Variants in DENND1B observed in about 807,000 individuals in gnomAD.
DENND1B encodes DENN domain-containing protein 1B.
A neutral mutation model predicts 90.1 loss-of-function variants in DENND1B; 59 were observed. That is an observed-to-expected ratio of 0.65 (90% CI 0.53 to 0.81). DENND1B has a LOEUF of 0.81. DENND1B is among the 40% of genes least tolerant of loss of function. DENND1B has a pLI of 0.00. For missense variants in DENND1B, 862 were observed against 912.6 expected (o/e 0.94, Z 0.71); for synonymous variants, 337 against 324.6 (o/e 1.04, Z -0.41).
intron 18 of DENND1B, among the ~76,000 whole-genome samples, chr1:197,544,029 A>T (rs189680583): frequency 5.3e-5 from 8 of 152,312 alleles, no homozygotes; most frequent in African/African-American, 1.4e-4. Flanking sequence ...ATTGAATTTT[A>T]AAAAATTTAT....
intron 2 of DENND1B, chr1:197,735,217 C>A: frequency 9.5e-7 from 1 of 1,050,740 alleles, no homozygotes; most frequent in Non-Finnish European, 1.2e-6. Flanking sequence ...GTATCTTTTA[C>A]ATCAATGAAT....
In DENND1B at chr1:197,515,942, C is replaced by T. The variant is rs558522218; in HGVS notation, c.1516-2989G>A. On this transcript the variant is annotated intron_variant, in intron 20 of 22. Transcript: ENST00000620048. The stretch of plus-strand genomic sequence containing the variant: ...AGTTACCTTTATATTCTGTAGCTGT[C>T]TGCATATACTATAGCATCTCTATTT... 1.9e-4 allele frequency among the ~76,000 whole-genome samples: 29 copies of T among 151,978 alleles called. 1 individual carries two copies. The highest frequency in any genetic ancestry group is 6.7e-4 in the African/African-American group (28 of 41,530).
At position 197,652,231 on chromosome 1, in the gene DENND1B, T is replaced by C. The variant is rs754691387; in HGVS notation, c.447+4A>G. 1.7e-5 allele frequency: 27 copies of C among 1,609,644 alleles called. 2 individuals carry two copies. In the South Asian group the frequency reaches 2.2e-4, roughly 13 times the overall value. On this transcript the variant is annotated splice_donor_region_variant and intron_variant, in intron 7 of 22. Coordinates refer to ENST00000620048, the MANE Select transcript of DENND1B (RefSeq NM_001195215.2). ...CCAAAAACAATTACTGATTGAATAC[T>C]TACCACACTCAAATTTACAGGAGTA...
At chr1:197,780,512 G>A (rs1657400183), upstream of DENND1B, among the ~76,000 whole-genome samples, 1 of 151,784 alleles carries the variant, frequency 6.6e-6, no homozygotes, top group Admixed American at 6.6e-5. Context: ...TTTTAGTAGA[G>A]GCAGGGTTTC....
At chr1:197,688,312 A>T (rs1029587326) in intron 3 of DENND1B, among the ~76,000 whole-genome samples, 7 of 152,156 alleles carry the variant, frequency 4.6e-5, no homozygotes, top group Non-Finnish European at 8.8e-5. Flanking sequence ...TGGAAATAGA[A>T]AAAACAAACC....
intron 15 of DENND1B, among the ~76,000 whole-genome samples, chr1:197,564,995 A>C (rs1672503659): frequency 6.6e-6 from 1 of 151,964 alleles, no homozygotes; most frequent in Non-Finnish European, 1.5e-5. Context: ...CCCATGTCAC[A>C]TTACATTTTA....
intron 18 of DENND1B, 131 bp from the exon 19 acceptor site, chr1:197,541,146 T>G: frequency 1.2e-6 from 1 of 827,670 alleles, no homozygotes; most frequent in Non-Finnish European, 1.9e-6. Flanking sequence ...GATTATAATC[T>G]AACATTCTAT....
chr1:197,700,144 T>C (rs1001531059), intron 3 of DENND1B, among the ~76,000 whole-genome samples: 2 of 151,732 alleles, frequency 1.3e-5, no homozygotes, highest in East Asian at 1.9e-4. Context: ...GGAGACTCCA[T>C]AGAGCCAAGT....
At chr1:197,620,638 T>C (rs1249643849) in intron 10 of DENND1B, among the ~76,000 whole-genome samples, 1 of 151,364 alleles carries the variant, frequency 6.6e-6, no homozygotes, top group African/African-American at 2.4e-5. Flanking sequence ...AGTGCTTTAA[T>C]AAAGTAGGTG....
chr1:197,641,660 G>A (rs541300350), intron 10 of DENND1B, among the ~76,000 whole-genome samples: 1 of 151,680 alleles, frequency 6.6e-6, no homozygotes, highest in Non-Finnish European at 1.5e-5. Context: ...TTTTTCAATT[G>A]TAGAGTAATG....
chr1:197,635,154 C>T (rs1350224450), intron 10 of DENND1B, among the ~76,000 whole-genome samples: 1 of 152,178 alleles, frequency 6.6e-6, no homozygotes, highest in East Asian at 1.9e-4. Context: ...TACATTTCTA[C>T]TTGACAAAGA....
intron 11 of DENND1B, among the ~76,000 whole-genome samples, chr1:197,614,948 T>C (rs1677512696): frequency 6.6e-6 from 1 of 150,996 alleles, no homozygotes; most frequent in African/African-American, 2.4e-5. Flanking sequence ...ATCATAGACT[T>C]GCCACATTAA....
chr1:197,591,604 C>T (rs952320508), intron 14 of DENND1B, among the ~76,000 whole-genome samples: 2 of 152,084 alleles, frequency 1.3e-5, no homozygotes, highest in Admixed American at 6.5e-5. Flanking sequence ...AGTAGTTACT[C>T]CAGGTAAACA....
chr1:197,635,850 T>A (rs1406404976), intron 10 of DENND1B, among the ~76,000 whole-genome samples: 2 of 151,970 alleles, frequency 1.3e-5, no homozygotes, highest in African/African-American at 4.8e-5. Context: ...AAAACACATA[T>A]GAGGAAGAGC....
chr1:197,552,390 A>G (rs903120944), intron 16 of DENND1B: 1 of 985,448 alleles, frequency 1.0e-6, no homozygotes, highest in Admixed American at 6.2e-5. Flanking sequence ...AGTCAAGACT[A>G]TACACCACTA....
At chr1:197,614,651 T>A (rs1558307752) in intron 11 of DENND1B, among the ~76,000 whole-genome samples, 1 of 150,938 alleles carries the variant, frequency 6.6e-6, no homozygotes. Flanking sequence ...AATAGCTTTT[T>A]TTTTCTTTTT....
intron 20 of DENND1B, among the ~76,000 whole-genome samples, chr1:197,535,052 C>T (rs1248038783): frequency 6.6e-6 from 1 of 152,184 alleles, no homozygotes; most frequent in African/African-American, 2.4e-5. Context: ...GAAAAGGCAG[C>T]AGACTATGGC....
chr1:197,582,890 G>C (rs1482315512), intron 15 of DENND1B, among the ~76,000 whole-genome samples: 2 of 152,124 alleles, frequency 1.3e-5, no homozygotes, highest in South Asian at 2.1e-4. Context: ...TCATGTTGCT[G>C]CTTCTTCTGT....
intron 16 of DENND1B, among the ~76,000 whole-genome samples, chr1:197,549,833 C>T (rs1671083989): frequency 6.6e-6 from 1 of 152,078 alleles, no homozygotes; most frequent in African/African-American, 2.4e-5. Flanking sequence ...GATGAGGGCT[C>T]ACAGGGCAGA....
Sources: allele counts gnomAD v4.1 joint callset (sites outside exome capture counted in the v4.1 genomes callset), GRCh38; gene constraint gnomAD v4.1.1; transcripts MANE v1.5; gene names NCBI Gene and HGNC (gene_info 2026-07-23, HGNC 2026-07-21).